Variants in STOML3 observed in about 807,000 individuals in gnomAD.
STOML3 encodes the protein stomatin like 3, also known as stomatin-like protein 3.
In STOML3, 31 loss-of-function variants were observed where a neutral mutation model predicts 29.5. The observed-to-expected ratio is 1.05, with a 90% CI of 0.79 to 1.42. STOML3 has a LOEUF of 1.42. STOML3 is among the 40% of genes most tolerant of loss of function. The pLI is 0.00. For missense variants in STOML3, 380 were observed against 363.0 expected (o/e 1.05, Z -0.38); for synonymous variants, 122 against 139.8 (o/e 0.87, Z 0.90).
At chr13:38,973,110 A>T (rs1480701289) in intron 3 of STOML3, among the ~76,000 whole-genome samples, 1 of 140,264 alleles carries the variant, frequency 7.1e-6, no homozygotes. Context: ...AAAAAAAAAA[A>T]AAAAAAAAAA....
intron 1 of STOML3, among the ~76,000 whole-genome samples, chr13:38,985,321 G>T (rs372427236): frequency 6.6e-6 from 1 of 152,038 alleles, no homozygotes; most frequent in Non-Finnish European, 1.5e-5. Context: ...TGCTCAAAAG[G>T]CTGAGGTGGG....
intron 3 of STOML3, among the ~76,000 whole-genome samples, chr13:38,973,243 C>G (rs1279497978): frequency 6.6e-6 from 1 of 151,500 alleles, no homozygotes; most frequent in Non-Finnish European, 1.5e-5. Context: ...GATCGTGCCA[C>G]TGCACTCCAG....
chr13:38,987,402 T>C (rs1392753538), intron 1 of STOML3, among the ~76,000 whole-genome samples: 1 of 151,922 alleles, frequency 6.6e-6, no homozygotes, highest in African/African-American at 2.4e-5. Context: ...CGCATGCCTG[T>C]AGTCCCAGCT....
intron 1 of STOML3, among the ~76,000 whole-genome samples, chr13:38,986,035 G>GT (rs371208112): frequency 0.072 from 5,069 of 70,596 alleles, 480 homozygotes; most frequent in African/African-American, 0.19. Context: ...TATTTACCTG[G>GT]TTTTTTTTTT....
rs371208112 is a variant in STOML3, at chr13:38,986,035, G to GTTTTT, written c.52+4630_52+4634dup. Among the ~76,000 whole-genome samples the GTTTTT allele has an allele frequency of 8.3e-3, 583 of 70,608 alleles. 9 individuals are homozygous for GTTTTT. Among genetic ancestry groups the GTTTTT allele is most frequent in the South Asian group, 0.015 (25 of 1,624 alleles). 46.3% of individuals were successfully genotyped at this position (70,608 alleles called of 152,430 possible). A position where few individuals can be genotyped will look rare whatever the true frequency, so the allele number is the denominator to read the frequency against. On this transcript the variant is annotated intron_variant, in intron 1 of 6. Coordinates refer to ENST00000379631, the MANE Select transcript of STOML3 (RefSeq NM_145286.3). ...AAGTTTTCTTTGACATATTTACCTG[G>GTTTTT]TTTTTTTTTTTTTTTTTTTTGGTTT... is the stretch of plus-strand genomic sequence containing the variant.
At chr13:38,985,889 C>CTTTTT (rs200028643) in intron 1 of STOML3, among the ~76,000 whole-genome samples, 5 of 61,340 alleles carry the variant, frequency 8.2e-5, no homozygotes, top group East Asian at 5.6e-4. Context: ...GTGGCTATTT[C>CTTTTT]TTTTTTTTTT....
intron 1 of STOML3, among the ~76,000 whole-genome samples, chr13:38,989,059 T>TA (rs1868887683): frequency 6.7e-6 from 1 of 148,258 alleles, no homozygotes; most frequent in African/African-American, 2.5e-5. Flanking sequence ...ATTATATATA[T>TA]TTTTTATATA....
At chr13:38,989,897 G>A (rs906653657) in intron 1 of STOML3, among the ~76,000 whole-genome samples, 3 of 151,728 alleles carry the variant, frequency 2.0e-5, no homozygotes, top group African/African-American at 7.3e-5. Context: ...CACAGGTTAG[G>A]TCATACACAC....
At chr13:38,975,261 C>G (rs567856113) in intron 3 of STOML3, among the ~76,000 whole-genome samples, 2 of 150,302 alleles carry the variant, frequency 1.3e-5, no homozygotes, top group Non-Finnish European at 2.9e-5. Context: ...GCAGAGGTTG[C>G]AGTGAGCCGA....
At chr13:38,970,805 T>A (rs989463024) in intron 4 of STOML3, among the ~76,000 whole-genome samples, 1 of 152,166 alleles carries the variant, frequency 6.6e-6, no homozygotes, top group South Asian at 2.1e-4. Flanking sequence ...AAGCAGTGAT[T>A]CTTAGAAAAC....
In STOML3 at chr13:38,966,967, A is replaced by AGACTATGG. The variant is rs1256029516; in HGVS notation, c.733_734insCCATAGTC (p.Leu245ProfsTer12). ...CAAGGTCTGCAGGTAGCGCAGCTGGAGAGCTATGGGAGACTCAGCCAGCAC... is the reference window on the plus strand; with the variant it reads ...CAAGGTCTGCAGGTAGCGCAGCTGGAGACTATGGGAGCTATGGGAGACTCAGCCAGCAC... On this transcript the variant is annotated frameshift_variant, in exon 7 of 7. Transcript: ENST00000379631. LOFTEE classifies it high-confidence loss of function. The AGACTATGG allele has an allele frequency of 6.2e-7, 1 of 1,614,026 alleles. No individual in the cohort carries two copies. The highest frequency in any genetic ancestry group is 1.7e-5 in the Admixed American group (1 of 59,996).
At chr13:38,976,256 A>T (rs2138014415) in intron 3 of STOML3, among the ~76,000 whole-genome samples, 1 of 152,320 alleles carries the variant, frequency 6.6e-6, no homozygotes, top group South Asian at 2.1e-4. Flanking sequence ...AATAAGTGAC[A>T]TTCAGCCAAT....
chr13:38,980,026 T>A, intron 1 of STOML3: 1 of 1,550,426 alleles, frequency 6.4e-7, no homozygotes, highest in Non-Finnish European at 8.7e-7. Context: ...CAAGCAAGTG[T>A]TTGTCACAGA....
chr13:38,968,300 T>C, intron 6 of STOML3, 100 bp downstream of exon 6: 2 of 1,492,762 alleles, frequency 1.3e-6, no homozygotes, highest in East Asian at 4.6e-5. Flanking sequence ...CCCTTTCTCA[T>C]GCAAATAATT....
intron 3 of STOML3, 37 bp downstream of exon 3, chr13:38,976,503 C>T: frequency 1.2e-6 from 2 of 1,611,246 alleles, no homozygotes; most frequent in African/African-American, 1.3e-5. Context: ...ATTAGGTGTC[C>T]CTGATCTTTC....
intron 1 of STOML3, 131 bp from the exon 2 acceptor site, chr13:38,976,928 T>G: frequency 1.4e-6 from 1 of 701,258 alleles, no homozygotes; most frequent in Non-Finnish European, 2.6e-6. Flanking sequence ...CTAAATCCAT[T>G]TACACCATGG....
At chr13:38,990,308 T>C (rs1868949346) in intron 1 of STOML3, among the ~76,000 whole-genome samples, 1 of 152,150 alleles carries the variant, frequency 6.6e-6, no homozygotes, top group African/African-American at 2.4e-5. Context: ...TAAACACCAA[T>C]TCTATCTAAA....
At chr13:38,985,067 T>C (rs1303612286) in intron 1 of STOML3, among the ~76,000 whole-genome samples, 1 of 152,168 alleles carries the variant, frequency 6.6e-6, no homozygotes, top group Non-Finnish European at 1.5e-5. Flanking sequence ...CAAAGAACCA[T>C]ATGTCCTTGC....
At position 38,966,169 on chromosome 13, in the gene STOML3, T is replaced by C. The variant is rs1436724838; in HGVS notation, c.*656A>G. On this transcript the variant is annotated 3_prime_UTR_variant, in exon 7 of 7. Coordinates refer to ENST00000379631, the MANE Select transcript of STOML3 (RefSeq NM_145286.3). ...TTGACAGGAGCTGGCCACTTTCATG[T>C]GCCTTTTCCCACCCTCTGATAATGG... is the stretch of plus-strand genomic sequence containing the variant. 6.6e-6 allele frequency: 1 copy of C among 152,230 alleles called. No individual in the cohort carries two copies. Among genetic ancestry groups the C allele is most frequent in the Non-Finnish European group, 1.5e-5 (1 of 68,084 alleles). 9.4% of individuals were successfully genotyped at this position (152,230 alleles called of 1,614,324 possible).
Sources: allele counts gnomAD v4.1 joint callset (sites outside exome capture counted in the v4.1 genomes callset), GRCh38; gene constraint gnomAD v4.1.1; transcripts MANE v1.5; gene names NCBI Gene and HGNC (gene_info 2026-07-23, HGNC 2026-07-21).